The following MSI2 variants were observed in gnomAD, a reference collection of about 807,000 sequenced individuals.
MSI2 encodes the protein RNA-binding protein Musashi homolog 2.
MSI2 carries 17 observed loss-of-function variants against 45.6 expected under a neutral mutation model. The ratio of observed to expected loss-of-function variants is 0.37; its 90% confidence interval spans 0.26 to 0.56. MSI2 has a LOEUF of 0.56. MSI2 is among the 20% of genes least tolerant of loss of function. The pLI is 0.77. For missense variants in MSI2, 293 were observed against 444.2 expected, an observed-to-expected ratio of 0.66 and a Z score of 3.06; for synonymous variants, 156 against 158.2, an observed-to-expected ratio of 0.99 and a Z score of 0.11.
intron 7 of MSI2, among the ~76,000 whole-genome samples, chr17:57,573,753 G>C (rs1021411329): frequency 1.3e-5 from 2 of 152,214 alleles, no homozygotes; most frequent in African/African-American, 2.4e-5. Context: ...CAGGCTTTAG[G>C]GACAGACAGA....
Position 57,257,216 on chromosome 17 carries a change from G to GCCC in MSI2, c.103+89_103+91dup, listed in dbSNP as rs371473884. The GCCC allele has an allele frequency of 3.5e-5, 7 of 202,622 alleles. No individual in the cohort carries two copies. The African/African-American group carries it at 4.2e-4, about 12-fold the overall frequency. 12.6% of individuals were successfully genotyped at this position (202,622 alleles called of 1,614,324 possible). ...TGCTCTTTGTTATCCCGGTGTAGGAGCCCCCCCCCCCCCGCCATTGGCTCC... is the reference window on the plus strand; with the variant it reads ...TGCTCTTTGTTATCCCGGTGTAGGAGCCCCCCCCCCCCCCCCGCCATTGGCTCC... On this transcript the variant is annotated intron_variant, in intron 2 of 13. Transcript: ENST00000284073.
At chr17:57,385,965 A>G (rs2083679048) in intron 5 of MSI2, among the ~76,000 whole-genome samples, 1 of 152,160 alleles carries the variant, frequency 6.6e-6, no homozygotes, top group Admixed American at 6.5e-5. Flanking sequence ...TTAGGTGCTC[A>G]TTAATGGTTG....
chr17:57,524,862 A>G (rs1404238323), intron 6 of MSI2, among the ~76,000 whole-genome samples: 1 of 152,234 alleles, frequency 6.6e-6, no homozygotes, highest in South Asian at 2.1e-4. Context: ...ACCTCTGCCC[A>G]GTGTCTTTAA....
At chr17:57,567,113 C>T (rs1257605854) in intron 7 of MSI2, among the ~76,000 whole-genome samples, 2 of 152,182 alleles carry the variant, frequency 1.3e-5, no homozygotes, top group Non-Finnish European at 1.5e-5. Flanking sequence ...TCCATTCTGT[C>T]CCGCAGACAG....
chr17:57,280,030 A>AAG lies in MSI2; in HGVS notation c.312+17838_312+17839insAG, dbSNP rs59167407. On this transcript the variant is annotated intron_variant, in intron 5 of 13. Transcript: ENST00000284073. This position sits in a 1 kb window ranked among gnomAD's most constrained non-coding sequence, Gnocchi z 4.2. ...AAGGGATCATAACAAAAAAAAAAAA[A>AAG]CAGTGTCCTTTGGGTTTTGGGAAGG... The AAG allele has an allele frequency of 6.6e-6, 1 of 151,912 alleles. No individual in the cohort carries two copies. Among genetic ancestry groups the AAG allele is most frequent in the Non-Finnish European group, 1.5e-5 (1 of 67,970 alleles). The allele number at this position is 151,912 out of a possible 1,614,324, so 9.4% of individuals were successfully genotyped here.
rs575627683 is a variant in MSI2, at chr17:57,280,472, G to A, written c.312+18280G>A. On this transcript the variant is annotated intron_variant, in intron 5 of 13. Coordinates refer to ENST00000284073, the MANE Select transcript of MSI2 (RefSeq NM_138962.4). The surrounding 1 kb of genome is among the most constrained non-coding windows in gnomAD (Gnocchi z 4.2). ...ATTTGAGATGCATCTGAGAATTGGAGCAGCAGCTTGGTGGTTTGGTTAGTT... is the reference window on the plus strand; with the variant it reads ...ATTTGAGATGCATCTGAGAATTGGAACAGCAGCTTGGTGGTTTGGTTAGTT... Among the ~76,000 whole-genome samples, 25 of 152,274 alleles carry A rather than the reference G, an allele frequency of 1.6e-4. No individual in the cohort carries two copies. In the South Asian group the frequency reaches 5.0e-3, roughly 30 times the overall value.
chr17:57,563,131 G>T, intron 7 of MSI2, among the ~76,000 whole-genome samples: 1 of 145,228 alleles, frequency 6.9e-6, no homozygotes, highest in East Asian at 2.0e-4. Context: ...ACAGTGCATA[G>T]ATTTGTGGGG....
At chr17:57,296,064 T>TTTA (rs1910926964) in intron 5 of MSI2, among the ~76,000 whole-genome samples, 1 of 135,044 alleles carries the variant, frequency 7.4e-6, no homozygotes, top group Non-Finnish European at 1.6e-5. Flanking sequence ...ACAATAATAA[T>TTTA]CCTCTCTGGT....
intron 7 of MSI2, among the ~76,000 whole-genome samples, chr17:57,536,092 C>CAA (rs34048164): frequency 8.7e-5 from 13 of 149,824 alleles, no homozygotes; most frequent in South Asian, 2.1e-4. Flanking sequence ...GTCTATTACT[C>CAA]AAAAAAAAAA....
intron 7 of MSI2, among the ~76,000 whole-genome samples, chr17:57,542,601 T>G (rs145322390): frequency 1.3e-5 from 2 of 152,240 alleles, no homozygotes; most frequent in Non-Finnish European, 2.9e-5. Context: ...GACTGAAAGA[T>G]GGAGCCCTGG....
chr17:57,640,446 C>T (rs1383113281), intron 10 of MSI2, among the ~76,000 whole-genome samples: 6 of 152,232 alleles, frequency 3.9e-5, no homozygotes, highest in Non-Finnish European at 5.9e-5. Flanking sequence ...TTTCTCAGCT[C>T]CGCTACAGTT....
chr17:57,633,200 GTC>G (rs1909561151), intron 10 of MSI2: 1 of 1,012,014 alleles, frequency 9.9e-7, no homozygotes, highest in African/African-American at 1.7e-5. Flanking sequence ...GTGTGCTGCC[GTC>G]TCTTAGCCTG....
At chr17:57,595,908 A>AC (rs1477639026) in intron 7 of MSI2, among the ~76,000 whole-genome samples, 1 of 152,230 alleles carries the variant, frequency 6.6e-6, no homozygotes, top group Admixed American at 6.5e-5. Context: ...TTAAACATAA[A>AC]GTAGATGCAC....
At chr17:57,406,291 C>T (rs949948038) in intron 6 of MSI2, among the ~76,000 whole-genome samples, 14 of 152,154 alleles carry the variant, frequency 9.2e-5, no homozygotes, top group Admixed American at 4.6e-4. Context: ...CAGAGCCACC[C>T]GGAAGAGCCC....
At chr17:57,450,958 T>C (rs1283389025) in intron 6 of MSI2, among the ~76,000 whole-genome samples, 3 of 152,206 alleles carry the variant, frequency 2.0e-5, no homozygotes, top group African/African-American at 7.2e-5. Flanking sequence ...AAGTTTTTTT[T>C]AACATGGGGT....
intron 6 of MSI2, among the ~76,000 whole-genome samples, chr17:57,472,421 G>A (rs967593576): frequency 2.1e-4 from 32 of 151,990 alleles, no homozygotes; most frequent in Admixed American, 1.3e-4. Flanking sequence ...AGTAGTGACT[G>A]GGGGGTCCCA....
intron 5 of MSI2, among the ~76,000 whole-genome samples, chr17:57,305,997 T>C (rs1350136654): frequency 6.6e-6 from 1 of 152,170 alleles, no homozygotes; most frequent in Non-Finnish European, 1.5e-5. Flanking sequence ...ACATATTTAT[T>C]GAATGTCTGT....
chr17:57,635,090 A>C (rs1421239977), intron 10 of MSI2, among the ~76,000 whole-genome samples: 2 of 152,250 alleles, frequency 1.3e-5, no homozygotes, highest in Non-Finnish European at 2.9e-5. Context: ...ACTAGTAGAC[A>C]CTTAGCAATT....
At chr17:57,344,660 A>G (rs1175022130) in intron 5 of MSI2, among the ~76,000 whole-genome samples, 1 of 152,240 alleles carries the variant, frequency 6.6e-6, no homozygotes, top group East Asian at 1.9e-4. Context: ...ATATACACAC[A>G]GATACATGGG....
Sources: gnomAD v4.1 joint callset for allele counts (sites outside exome capture counted in the v4.1 genomes callset) on GRCh38, gnomAD v4.1.1 for gene constraint, Gnocchi (gnomAD v3.1) non-coding constraint, MANE v1.5 for transcripts, NCBI Gene and HGNC (gene_info 2026-07-23, HGNC 2026-07-21) for gene names.